The following TENM2 variants were observed in gnomAD, a reference collection of about 807,000 sequenced individuals.
TENM2 encodes teneurin transmembrane protein 2.
Under a neutral mutation model 245.2 loss-of-function variants are expected in TENM2, and 52 were observed. The observed-to-expected ratio is 0.21, with a 90% CI of 0.17 to 0.27. The LOEUF (loss-of-function observed/expected upper bound fraction) is 0.27. TENM2 is among the 10% of genes least tolerant of loss of function. TENM2 has a pLI of 1.00. For synonymous variants in TENM2, 1,363 were observed against 1,438.9 expected, an observed-to-expected ratio of 0.95 and a Z score of 1.19; for missense variants, 3,046 against 3,666.8, an observed-to-expected ratio of 0.83 and a Z score of 4.37.
chr5:167,947,059 C>A (rs893257608), intron 3 of TENM2, among the ~76,000 whole-genome samples: 2 of 152,106 alleles, frequency 1.3e-5, no homozygotes, highest in Non-Finnish European at 2.9e-5. Context: ...AGTCACTCTG[C>A]CCTCCTGCTG....
At chr5:167,049,134 C>G in the TENM2 span, among the ~76,000 whole-genome samples, 2 of 152,098 alleles carry the variant, frequency 1.3e-5, no homozygotes, top group African/African-American at 2.4e-5. Flanking sequence ...GGCTATCATG[C>G]GACCCTAACA....
intron 5 of TENM2, among the ~76,000 whole-genome samples, chr5:168,004,507 G>GCA (rs1491577034): frequency 4.6e-5 from 3 of 64,898 alleles, no homozygotes; most frequent in Admixed American, 1.7e-4. Context: ...ATGCACGCAT[G>GCA]CGCGCGCGCG....
chr5:167,630,329 A>C lies in TENM2; in HGVS notation c.503-245657A>C, dbSNP rs565090444. Reference sequence around the variant, plus strand: ...AGTGGATCTGGTAACTGAGATGGCTACTACCTGACAGATGGGTGGAAAGCA... The same window carrying C: ...AGTGGATCTGGTAACTGAGATGGCTCCTACCTGACAGATGGGTGGAAAGCA... On this transcript the variant is annotated intron_variant, in intron 2 of 28. Transcript: ENST00000518659. Among the ~76,000 whole-genome samples the C allele has an allele frequency of 5.9e-5, 9 of 152,272 alleles. No homozygotes were observed. In the East Asian group the frequency reaches 1.7e-3, roughly 29 times the overall value.
intron 1 of TENM2, among the ~76,000 whole-genome samples, chr5:167,371,815 AG>A (rs1242420650): frequency 2.6e-5 from 4 of 152,216 alleles, no homozygotes; most frequent in Non-Finnish European, 4.4e-5. Context: ...ACACAGTACT[AG>A]GAACAATAAA....
At chr5:167,457,361 T>A (rs1027937965) in intron 2 of TENM2, among the ~76,000 whole-genome samples, 3 of 150,470 alleles carry the variant, frequency 2.0e-5, no homozygotes, top group Admixed American at 6.7e-5. Context: ...TTAGACAGTT[T>A]CGCTCTTGTT....
chr5:167,486,299 A>C (rs542578011), intron 2 of TENM2, among the ~76,000 whole-genome samples: 1 of 148,886 alleles, frequency 6.7e-6, no homozygotes, highest in South Asian at 2.2e-4. Flanking sequence ...AATAATAGTT[A>C]TTATTTTTGC....
the TENM2 span, among the ~76,000 whole-genome samples, chr5:167,068,811 T>G: frequency 6.6e-6 from 1 of 152,344 alleles, no homozygotes; most frequent in South Asian, 2.1e-4. Context: ...TAAAATTATT[T>G]TATTGTGAGT....
chr5:168,190,629 C>T (rs1342957382), intron 14 of TENM2, 82 bp downstream of exon 16: 41 of 1,328,522 alleles, frequency 3.1e-5, no homozygotes, highest in Non-Finnish European at 4.0e-5. Context: ...CCAGCTTTCC[C>T]GGGGACCCAA....
At chr5:167,441,390 ATTC>A (rs1218570520) in intron 2 of TENM2, among the ~76,000 whole-genome samples, 1 of 152,142 alleles carries the variant, frequency 6.6e-6, no homozygotes, top group African/African-American at 2.4e-5. Flanking sequence ...GATTCCCTCA[ATTC>A]TTCATTTTTC....
intron 2 of TENM2, among the ~76,000 whole-genome samples, chr5:167,494,768 TCTAA>T (rs1408073245): frequency 5.3e-5 from 8 of 152,248 alleles, no homozygotes; most frequent in Non-Finnish European, 7.4e-5. Context: ...ATGCCATTTT[TCTAA>T]CTGTCTACCT....
In TENM2 at chr5:168,195,795, G is replaced by A. The variant is rs368673361; in HGVS notation, c.2900+500G>A. On this transcript the variant is annotated intron_variant, in intron 15 of 28. Transcript: ENST00000518659. ...GTTTTCGCTACTGTTTGGAGGGGGT[G>A]GCGTGTAATCAGAGAAGTCTAATTA... Among the ~76,000 whole-genome samples the A allele has an allele frequency of 1.1e-4, 16 of 152,032 alleles. No homozygotes were observed. The East Asian group carries it at 2.5e-3, about 24-fold the overall frequency.
At chr5:167,494,997 T>G (rs1349218459) in intron 2 of TENM2, among the ~76,000 whole-genome samples, 1 of 152,128 alleles carries the variant, frequency 6.6e-6, no homozygotes, top group Non-Finnish European at 1.5e-5. Context: ...AATGAATGTA[T>G]TTAGATGATA....
intron 2 of TENM2, among the ~76,000 whole-genome samples, chr5:167,397,831 C>T (rs1196610365): frequency 6.6e-6 from 1 of 152,156 alleles, no homozygotes; most frequent in Non-Finnish European, 1.5e-5. Flanking sequence ...AAACATGTCT[C>T]AGAATCATTT....
chr5:167,325,419 C>A (rs539435289), intron 1 of TENM2, among the ~76,000 whole-genome samples: 5 of 152,290 alleles, frequency 3.3e-5, no homozygotes, highest in South Asian at 2.1e-4. Context: ...AGTCAACAAG[C>A]AACTATTGTA....
chr5:168,135,131 T>A (rs924147413), intron 12 of TENM2, among the ~76,000 whole-genome samples: 4 of 152,156 alleles, frequency 2.6e-5, no homozygotes, highest in Admixed American at 2.6e-4. Context: ...AGACTCTCAT[T>A]GATTCTGTCC....
intron 2 of TENM2, among the ~76,000 whole-genome samples, chr5:167,678,082 G>T (rs1260281813): frequency 6.6e-6 from 1 of 152,080 alleles, no homozygotes; most frequent in African/African-American, 2.4e-5. Context: ...GACTGTTTCT[G>T]TTATGCACAA....
chr5:167,631,176 A>G (rs537633754), intron 2 of TENM2, among the ~76,000 whole-genome samples: 1 of 152,300 alleles, frequency 6.6e-6, no homozygotes. Context: ...TGAGAAAAAA[A>G]AAGTCAGTAA....
At chr5:167,741,752 A>T (rs1365502238) in intron 2 of TENM2, among the ~76,000 whole-genome samples, 1 of 152,094 alleles carries the variant, frequency 6.6e-6, no homozygotes, top group African/African-American at 2.4e-5. Context: ...AGAAGAAAAA[A>T]ATCAGACCTC....
chr5:168,218,583 T>C lies in TENM2; in HGVS notation c.4692T>C (p.Asn1564=). The C allele has an allele frequency of 2.5e-6, 4 of 1,613,990 alleles. No individual in the cohort carries two copies. The highest frequency in any genetic ancestry group is 3.4e-6 in the Non-Finnish European group (4 of 1,179,894). Reference sequence around the variant, plus strand: ...CCATTTACATTGCAGACCTTGGAAATATTCGGATCAGGGCGGTCAGCAAGA... The same window carrying C: ...CCATTTACATTGCAGACCTTGGAAACATTCGGATCAGGGCGGTCAGCAAGA... Residue 1564 remains asparagine, a synonymous_variant, in exon 23 of 29, where the codon AAT becomes AAC. Coordinates refer to ENST00000518659, the Ensembl canonical transcript of TENM2. This position sits in a 1 kb window ranked among gnomAD's most constrained non-coding sequence, Gnocchi z 5.2.
Sources: gnomAD v4.1 joint callset for allele counts (sites outside exome capture counted in the v4.1 genomes callset) on GRCh38, gnomAD v4.1.1 for gene constraint, Gnocchi (gnomAD v3.1) non-coding constraint, MANE v1.5 for transcripts, NCBI Gene and HGNC (gene_info 2026-07-23, HGNC 2026-07-21) for gene names.